The following TRIO variants were observed in gnomAD, a reference collection of about 807,000 sequenced individuals.
TRIO encodes the protein triple functional domain protein.
TRIO carries 58 observed loss-of-function variants against 351.9 expected under a neutral mutation model. The ratio of observed to expected loss-of-function variants is 0.16; its 90% confidence interval spans 0.13 to 0.21. TRIO has a LOEUF of 0.21. TRIO is among the 10% of genes least tolerant of loss of function. TRIO has a pLI of 1.00. For missense variants in TRIO, 3,201 were observed against 4,027.8 expected (o/e 0.79, Z 5.56); for synonymous variants, 1,758 against 1,595.7 (o/e 1.10, Z -2.42).
intron 34 of TRIO, 105 bp from the exon 35 acceptor site, chr5:14,460,914 C>T (rs1753733773): frequency 5.2e-6 from 7 of 1,343,712 alleles, no homozygotes; most frequent in African/African-American, 1.5e-5. Context: ...GCTGACGAGG[C>T]ATCCAGGCCC....
At chr5:14,222,138 TTTTC>T (rs1484946661) in intron 1 of TRIO, among the ~76,000 whole-genome samples, 3 of 112,560 alleles carry the variant, frequency 2.7e-5, no homozygotes, top group African/African-American at 8.7e-5. Context: ...GCACTTTTTC[TTTTC>T]TTTTTTTTTT....
intron 31 of TRIO, among the ~76,000 whole-genome samples, chr5:14,403,025 TGTG>T (rs1212635987): frequency 1.5e-4 from 22 of 143,454 alleles, no homozygotes; most frequent in South Asian, 1.3e-3. Flanking sequence ...GGGTACAGGT[TGTG>T]GTGGTGAAGG....
chr5:14,147,434 C>T (rs984152104), intron 1 of TRIO, among the ~76,000 whole-genome samples: 1 of 152,188 alleles, frequency 6.6e-6, no homozygotes. Context: ...TCAGAGCTCC[C>T]TATTTAACCT....
rs750957870 is a variant in TRIO, at chr5:14,507,182, G to T, written c.8673G>T (p.Lys2891Asn). The change falls in exon 56 of 57, where the codon AAG becomes AAT. Residue 2891 changes from lysine (K) to asparagine (N), a missense_variant. By Grantham distance (94) the Lys-to-Asn change is moderately conservative. Coordinates refer to ENST00000344204, the MANE Select transcript of TRIO (RefSeq NM_007118.4). The stretch of plus-strand genomic sequence containing the variant: ...GATGGGGAAGCCTCACTGAAGGGAA[G>T]ATCAGGGCGCACCTGGGGGAGGTTC... ...VVRWGSLTEG[K>N]IRAHLGEVLE... 2 of 1,612,526 alleles carry T rather than the reference G, an allele frequency of 1.2e-6. 1 individual carries two copies. The highest frequency in any genetic ancestry group is 2.2e-5 in the South Asian group (2 of 90,914).
rs747272635 is a variant in TRIO, at chr5:14,358,246, C to T, written c.2115C>T (p.Ala705=). ...LDDVYAESVE[A]VQDLIKRFGQ... ...ACGTGTATGCCGAGTCGGTGGAGGCCGTGCAGGACCTCATCAAGCGCTTTG... is the reference window on the plus strand; with the variant it reads ...ACGTGTATGCCGAGTCGGTGGAGGCTGTGCAGGACCTCATCAAGCGCTTTG... Residue 705 remains alanine, a synonymous_variant, in exon 12 of 57, where the codon GCC becomes GCT. Transcript: ENST00000344204. 1.2e-5 allele frequency: 19 copies of T among 1,614,164 alleles called. 1 individual carries two copies. The highest frequency in any genetic ancestry group is 1.6e-4 in the Middle Eastern group (1 of 6,062).
chr5:14,161,863 A>G (rs1788477253), intron 1 of TRIO, among the ~76,000 whole-genome samples: 1 of 152,160 alleles, frequency 6.6e-6, no homozygotes, highest in South Asian at 2.1e-4. Flanking sequence ...AGTAGCTGGG[A>G]TTGCAGGTGC....
intron 33 of TRIO, 23 bp from the exon 34 acceptor site, chr5:14,419,755 C>G: frequency 6.2e-7 from 1 of 1,612,520 alleles, no homozygotes; most frequent in Non-Finnish European, 8.5e-7. Context: ...CTGACCTGTC[C>G]TCTCTTCCTC....
chr5:14,156,419 G>T (rs748275257), intron 1 of TRIO, among the ~76,000 whole-genome samples: 1 of 152,168 alleles, frequency 6.6e-6, no homozygotes, highest in Non-Finnish European at 1.5e-5. Flanking sequence ...GTGTATGCGT[G>T]TATGTGTGTG....
intron 1 of TRIO, among the ~76,000 whole-genome samples, 181 bp downstream of exon 1, chr5:14,144,063 C>T (rs1187389402): frequency 6.6e-6 from 1 of 151,956 alleles, no homozygotes; most frequent in Admixed American, 6.6e-5. Flanking sequence ...CCCACATCCG[C>T]GTGTCCCGCT....
chr5:14,491,964 G>T (rs1756521931), intron 48 of TRIO, among the ~76,000 whole-genome samples: 2 of 152,180 alleles, frequency 1.3e-5, no homozygotes, highest in Admixed American at 1.3e-4. Context: ...CTCTCCGTAT[G>T]AGCAGAATAG....
intron 8 of TRIO, among the ~76,000 whole-genome samples, chr5:14,316,204 A>G (rs898897922): frequency 4.6e-5 from 7 of 152,232 alleles, no homozygotes; most frequent in South Asian, 2.1e-4. Context: ...TAGTATGCCT[A>G]TTCATTGAGT....
intron 45 of TRIO, among the ~76,000 whole-genome samples, chr5:14,482,256 G>A (rs571243575): frequency 6.6e-6 from 1 of 152,136 alleles, no homozygotes; most frequent in East Asian, 1.9e-4. Flanking sequence ...TCCTGTGCAT[G>A]CCTGATGAGT....
intron 34 of TRIO, among the ~76,000 whole-genome samples, chr5:14,422,557 A>G (rs1750261965): frequency 6.6e-6 from 1 of 152,240 alleles, no homozygotes; most frequent in African/African-American, 2.4e-5. Flanking sequence ...CAGATCAGCC[A>G]AGAAGGGTCC....
chr5:14,275,235 G>A (rs886636137), intron 2 of TRIO, among the ~76,000 whole-genome samples: 1 of 152,042 alleles, frequency 6.6e-6, no homozygotes, highest in East Asian at 1.9e-4. Context: ...AATGGTATTA[G>A]CACAGTATAT....
At position 14,387,711 on chromosome 5, in the gene TRIO, AT is replaced by A; in HGVS notation, c.3766-19del. 1 of 1,612,788 alleles carries A rather than the reference AT, an allele frequency of 6.2e-7. No individual in the cohort carries two copies. Among genetic ancestry groups the A allele is most frequent in the Non-Finnish European group, 8.5e-7 (1 of 1,178,822 alleles). On this transcript the variant is annotated intron_variant, in intron 22 of 56. Coordinates refer to ENST00000344204, the MANE Select transcript of TRIO (RefSeq NM_007118.4). The stretch of plus-strand genomic sequence containing the variant: ...TCTGCTGATTTAATTAACTGAGTTC[AT>A]TGGCTCTGTTATTCCACAGAGTAAA...
At chr5:14,279,969 G>C (rs1735855182) in intron 2 of TRIO, among the ~76,000 whole-genome samples, 2 of 152,226 alleles carry the variant, frequency 1.3e-5, no homozygotes, top group Non-Finnish European at 2.9e-5. Flanking sequence ...CTGGCCTAGA[G>C]AGCAGCTGTG....
chr5:14,246,689 C>T (rs1794457016), intron 1 of TRIO, among the ~76,000 whole-genome samples: 1 of 152,204 alleles, frequency 6.6e-6, no homozygotes, highest in South Asian at 2.1e-4. Context: ...CCCCTCGCCT[C>T]CTGTTCCCTG....
chr5:14,427,237 T>G (rs758173917), intron 34 of TRIO, among the ~76,000 whole-genome samples: 20 of 152,094 alleles, frequency 1.3e-4, no homozygotes, highest in Non-Finnish European at 2.5e-4. Context: ...CCTGGTGAGG[T>G]CACGGCTTAG....
At chr5:14,384,394 T>C (rs1414953537) in intron 21 of TRIO, among the ~76,000 whole-genome samples, 2 of 152,264 alleles carry the variant, frequency 1.3e-5, no homozygotes, top group African/African-American at 4.8e-5. Flanking sequence ...TTCAATTTGC[T>C]TTTATTTTTC....
Sources: gnomAD v4.1 joint callset for allele counts (sites outside exome capture counted in the v4.1 genomes callset) on GRCh38, gnomAD v4.1.1 for gene constraint, MANE v1.5 for transcripts, NCBI Gene and HGNC (gene_info 2026-07-23, HGNC 2026-07-21) for gene names.